The following SPEN variants were observed in gnomAD, a reference collection of about 807,000 sequenced individuals.
The protein encoded by SPEN is spen family transcriptional repressor.
SPEN carries 18 observed loss-of-function variants against 269.9 expected under a neutral mutation model. The ratio of observed to expected loss-of-function variants is 0.07; its 90% CI spans 0.05 to 0.10. The LOEUF is 0.10. SPEN is among the 10% of genes least tolerant of loss of function. The pLI is 1.00. For synonymous variants in SPEN, 1,726 were observed against 1,765.7 expected (o/e 0.98, Z 0.56); for missense variants, 3,822 against 4,631.2 (o/e 0.83, Z 5.07).
In SPEN at chr1:15,847,864, T is replaced by C; in HGVS notation, c.-204T>C. On this transcript the variant is annotated 5_prime_UTR_variant, in exon 1 of 15. Transcript: ENST00000375759. ...TTCGGGTGTGTGGTGGCGGCAGAGC[T>C]GAGCTGCGAGGCCCGAGAGTCAGAA... 1 of 271,446 alleles carries C rather than the reference T, an allele frequency of 3.7e-6. No individual in the cohort carries two copies. Among genetic ancestry groups the C allele is most frequent in the East Asian group, 6.0e-5 (1 of 16,700 alleles). The allele number at this position is 271,446 out of a possible 1,614,324, so 16.8% of individuals were successfully genotyped here.
chr1:15,851,083 G>A (rs988116), intron 1 of SPEN, among the ~76,000 whole-genome samples: 128,578 of 152,114 alleles, frequency 0.85, 54,608 homozygotes, highest in Middle Eastern at 0.91. Flanking sequence ...CATTTTAACA[G>A]AAAAAAGAGG....
chr1:15,922,632 T>TC (rs982899073), intron 10 of SPEN, among the ~76,000 whole-genome samples: 1 of 151,114 alleles, frequency 6.6e-6, no homozygotes, highest in African/African-American at 2.4e-5. Flanking sequence ...TTTATGTACT[T>TC]TTTTTTTTGA....
chr1:15,873,198 CAT>C (rs2070599357), intron 2 of SPEN, 62 bp downstream of exon 2: 2 of 1,499,138 alleles, frequency 1.3e-6, no homozygotes, highest in Non-Finnish European at 1.8e-6. Context: ...AACAGAAACT[CAT>C]ATTTAGGGGC....
chr1:15,891,621 A>G (rs975842704), intron 3 of SPEN, among the ~76,000 whole-genome samples: 1 of 151,972 alleles, frequency 6.6e-6, no homozygotes, highest in African/African-American at 2.4e-5. Flanking sequence ...AAGTGCTGGG[A>G]TTACAGGCTT....
At chr1:15,865,812 T>C (rs1162803760) in intron 1 of SPEN, among the ~76,000 whole-genome samples, 1 of 152,156 alleles carries the variant, frequency 6.6e-6, no homozygotes, top group South Asian at 2.1e-4. Flanking sequence ...TTCTCAAGTG[T>C]TGCAAGTATT....
At chr1:15,887,918 C>T (rs891891416) in intron 3 of SPEN, among the ~76,000 whole-genome samples, 4 of 151,058 alleles carry the variant, frequency 2.6e-5, no homozygotes, top group Admixed American at 2.6e-4. Context: ...ATCCCAGCTG[C>T]TCGGGAGGCG....
At position 15,931,366 on chromosome 1, in the gene SPEN, A is replaced by T; in HGVS notation, c.5126A>T (p.Asp1709Val). The T allele has an allele frequency of 1.2e-6, 2 of 1,614,180 alleles. No individual in the cohort carries two copies. The highest frequency in any genetic ancestry group is 1.7e-6 in the Non-Finnish European group (2 of 1,180,026). ...QVDLPPGADP[D>V]KEAAMMPAGV... ...GACCTGCCCCCAGGAGCAGACCCCG[A>T]TAAAGAAGCTGCCATGATGCCTGCG... Residue 1709 changes from aspartate (D) to valine (V), a missense_variant, in exon 11 of 15, where the codon GAT (aspartate) becomes GTT (valine). By Grantham distance (152) the Asp-to-Val change is radical (BLOSUM62 -3). Coordinates refer to ENST00000375759, the MANE Select transcript of SPEN (RefSeq NM_015001.3). The surrounding 1 kb of genome is among the most constrained non-coding windows in gnomAD (Gnocchi z 4.8).
chr1:15,863,185 G>A lies in SPEN; in HGVS notation c.84-9631G>A, dbSNP rs145602070. 3.8e-4 allele frequency among the ~76,000 whole-genome samples: 58 copies of A among 152,224 alleles called. 1 individual carries two copies. The East Asian group carries it at 0.01, about 26-fold the overall frequency. On this transcript the variant is annotated intron_variant, in intron 1 of 14. Transcript: ENST00000375759. ...GATCACTTGAACCTGGGAGGTTGAG[G>A]CTGCAGTGAGCCAAGATTGTGCCAT...
intron 3 of SPEN, among the ~76,000 whole-genome samples, chr1:15,893,689 G>C (rs910934125): frequency 6.6e-6 from 1 of 151,776 alleles, no homozygotes; most frequent in African/African-American, 2.4e-5. Flanking sequence ...TTGAAAAAAG[G>C]CCAGTACACT....
At position 15,933,888 on chromosome 1, in the gene SPEN, A is replaced by T; in HGVS notation, c.7648A>T (p.Thr2550Ser). The change falls in exon 11 of 15, where the codon ACT (threonine) becomes TCT (serine). Residue 2550 changes from threonine to serine, a missense_variant. Around this residue, in one of 16 missense-constraint regions of SPEN, gnomAD observed 727 missense variants for 737.9 expected, o/e 0.99. Coordinates refer to ENST00000375759, the MANE Select transcript of SPEN (RefSeq NM_015001.3). The surrounding 1 kb of genome is among the most constrained non-coding windows in gnomAD (Gnocchi z 5.7). ...CAAGTATGTGTCTGCCACAAGTGTC[A>T]CTTCCACAAGTGTCACCACAGCCAT... ...DPKYVSATSV[T>S]STSVTTAIAE... The T allele has an allele frequency of 6.2e-7, 1 of 1,613,920 alleles. No individual in the cohort carries two copies. The highest frequency in any genetic ancestry group is 8.5e-7 in the Non-Finnish European group (1 of 1,180,014).
chr1:15,876,803 C>A, intron 3 of SPEN, 125 bp downstream of exon 3: 1 of 782,940 alleles, frequency 1.3e-6, no homozygotes, highest in Non-Finnish European at 2.1e-6. Flanking sequence ...TGTATGTAAT[C>A]AGTAAAGAAA....
intron 1 of SPEN, among the ~76,000 whole-genome samples, chr1:15,872,556 T>C (rs9782984): frequency 0.89 from 133,823 of 149,552 alleles, 60,185 homozygotes; most frequent in African/African-American, 0.96. Context: ...GCTGAGATTG[T>C]GCCACTGCAC....
chr1:15,913,450 CTTGA>C (rs538138426), intron 5 of SPEN, among the ~76,000 whole-genome samples: 9 of 151,904 alleles, frequency 5.9e-5, no homozygotes, highest in East Asian at 3.9e-4. Flanking sequence ...TGGCTCACAC[CTTGA>C]TTGATTGATT....
rs2071315306 is a variant in SPEN at position 15,939,519 on chromosome 1, A to G, written c.*92A>G. 35 of 1,420,156 alleles carry G rather than the reference A, an allele frequency of 2.5e-5. No individual in the cohort carries two copies. The South Asian group carries it at 5.1e-4, about 21-fold the overall frequency. 88.0% of individuals were successfully genotyped at this position (1,420,156 alleles called of 1,614,324 possible). A position where few individuals can be genotyped will look rare whatever the true frequency, so the allele number is the denominator to read the frequency against. On this transcript the variant is annotated 3_prime_UTR_variant, in exon 15 of 15. Transcript: ENST00000375759. This position sits in a 1 kb window ranked among gnomAD's most constrained non-coding sequence, Gnocchi z 4.1. The stretch of plus-strand genomic sequence containing the variant: ...AGCCAAGCAGAGGAAGAAGCTGCCG[A>G]AGGGGACAGACTCCACTGCCAGACG...
At chr1:15,891,642 G>A (rs932059853) in intron 3 of SPEN, among the ~76,000 whole-genome samples, 3 of 151,688 alleles carry the variant, frequency 2.0e-5, no homozygotes, top group Admixed American at 1.3e-4. Flanking sequence ...GAGCCACCGC[G>A]CCCGGCCTTG....
intron 1 of SPEN, among the ~76,000 whole-genome samples, chr1:15,857,877 C>A (rs2070403030): frequency 6.6e-6 from 1 of 151,986 alleles, no homozygotes; most frequent in Non-Finnish European, 1.5e-5. Context: ...CACCTGTAAT[C>A]CCAGCACTTT....
At chr1:15,852,854 GA>G (rs1198514146) in intron 1 of SPEN, among the ~76,000 whole-genome samples, 2 of 152,124 alleles carry the variant, frequency 1.3e-5, no homozygotes, top group Non-Finnish European at 2.9e-5. Flanking sequence ...TCCAATTGGA[GA>G]CTATATATTT....
chr1:15,928,818 G>A lies in SPEN; in HGVS notation c.2578G>A (p.Glu860Lys). 6.2e-7 allele frequency: 1 copy of A among 1,614,106 alleles called. No homozygotes were observed. Among genetic ancestry groups the A allele is most frequent in the Non-Finnish European group, 8.5e-7 (1 of 1,180,010 alleles). ...CAGGAGTTGTAATAAACTGAGCAGA[G>A]AGAAAGCTGACAAAGAGGGAATAGC... Reference protein sequence around the residue: ...KPRSCNKLSREKADKEGIAKN... With the variant: ...KPRSCNKLSRKKADKEGIAKN... Residue 860 changes from glutamate (E) to lysine (K), a missense_variant, in exon 11 of 15, where the codon GAG (glutamate) becomes AAG (lysine). Glu to Lys is a moderately conservative substitution (Grantham distance 56, BLOSUM62 1). Around this residue, in one of 16 missense-constraint regions of SPEN, gnomAD observed 572 missense variants for 582.6 expected, o/e 0.98. Coordinates refer to ENST00000375759, the MANE Select transcript of SPEN (RefSeq NM_015001.3). The surrounding 1 kb of genome is among the most constrained non-coding windows in gnomAD (Gnocchi z 5.7).
At chr1:15,913,619 T>C (rs2071031615) in intron 5 of SPEN, among the ~76,000 whole-genome samples, 1 of 151,618 alleles carries the variant, frequency 6.6e-6, no homozygotes, top group Non-Finnish European at 1.5e-5. Flanking sequence ...CCACCATGCC[T>C]GACCAAGCTC....
Sources: allele counts gnomAD v4.1 joint callset (sites outside exome capture counted in the v4.1 genomes callset), GRCh38; gene constraint gnomAD v4.1.1; regional missense constraint gnomAD v4.1.1; non-coding constraint Gnocchi (gnomAD v3.1); transcripts MANE v1.5; gene names NCBI Gene and HGNC (gene_info 2026-07-23, HGNC 2026-07-21).